ZNF33B: variants seen among roughly 807,000 people sequenced by gnomAD.
ZNF33B encodes the protein zinc finger protein 11b (KOX 2).
A neutral mutation model predicts 45.8 loss-of-function variants in ZNF33B; 29 were observed. The observed-to-expected ratio is 0.63, with a 90% CI of 0.47 to 0.86. The LOEUF is 0.86. Ranked by LOEUF, ZNF33B falls within the 40% of genes least tolerant of loss-of-function variation. The pLI is 0.00. For missense variants in ZNF33B, 831 were observed against 909.9 expected (o/e 0.91, Z 1.12); for synonymous variants, 305 against 307.8 (o/e 0.99, Z 0.10).
chr10:42,594,030 C>G lies in ZNF33B; in HGVS notation c.920G>C (p.Gly307Ala), dbSNP rs746187894. ...PVKHYDCGES[G>A]NNFRRKLCLS... ...ACACAATTTCCTCCTGAAATTATTC[C>G]CACTTTCACCACAATCATAGTGTTT... The change falls in exon 5 of 5, where the codon GGG (glycine) becomes GCG (alanine). Residue 307 changes from glycine (G) to alanine (A), a missense_variant. Coordinates refer to ENST00000359467, the MANE Select transcript of ZNF33B (RefSeq NM_006955.3). 3.7e-6 allele frequency: 6 copies of G among 1,613,900 alleles called. No homozygotes were observed. The highest frequency in any genetic ancestry group is 5.1e-6 in the Non-Finnish European group (6 of 1,179,964).
At chr10:42,578,370 C>A (rs145280894) in intron 1 of ZNF33B, 1,768 of 152,756 alleles carry the variant, frequency 0.012, 20 homozygotes, top group Non-Finnish European at 0.014. Flanking sequence ...CCCTACTCCT[C>A]CTCTTCATCC....
chr10:42,632,007 G>A lies in ZNF33B; in HGVS notation c.172C>T (p.Pro58Ser), dbSNP rs369032793. ...TGTTCCAGCCTGAAGATCACCTCTG[G>A]TTTGTGAGCACAATACCCTGTTAAC... ...LVSVGYCAHK[P>S]EVIFRLEQGE... Residue 58 changes from proline to serine, a missense_variant, in exon 4 of 5, where the codon CCA becomes TCA. Pro to Ser is a moderately conservative substitution (Grantham distance 74). Transcript: ENST00000359467. The A allele has an allele frequency of 5.4e-5, 87 of 1,614,050 alleles. No individual in the cohort carries two copies. In the African/African-American group the frequency reaches 1.0e-3, roughly 19 times the overall value.
At chr10:42,611,598 G>C (rs775806276) in intron 4 of ZNF33B, among the ~76,000 whole-genome samples, 3 of 152,070 alleles carry the variant, frequency 2.0e-5, no homozygotes, top group Non-Finnish European at 4.4e-5. Flanking sequence ...AAACAAATTA[G>C]ACTTCATGGA....
intron 1 of ZNF33B, among the ~76,000 whole-genome samples, chr10:42,574,945 TAC>T (rs1339041449): frequency 1.3e-5 from 2 of 152,174 alleles, no homozygotes; most frequent in African/African-American, 4.8e-5. Flanking sequence ...GCCTCTACAT[TAC>T]AGTTTATCAT....
chr10:42,609,744 G>C (rs1044648951), intron 4 of ZNF33B, among the ~76,000 whole-genome samples: 1 of 152,098 alleles, frequency 6.6e-6, no homozygotes, highest in Non-Finnish European at 1.5e-5. Context: ...TACTAGTAAG[G>C]CAAGTTTGGT....
intron 4 of ZNF33B, among the ~76,000 whole-genome samples, chr10:42,631,629 C>G (rs1217805082): frequency 6.6e-6 from 1 of 152,122 alleles, no homozygotes; most frequent in Non-Finnish European, 1.5e-5. Context: ...AGGTGGGACA[C>G]TGAAAGTGCT....
At chr10:42,607,973 T>C (rs111696408) in intron 4 of ZNF33B, among the ~76,000 whole-genome samples, 6,171 of 152,226 alleles carry the variant, frequency 0.041, 187 homozygotes, top group Non-Finnish European at 0.057. Context: ...CTATAAGAGA[T>C]AGATACAAAC....
At position 42,632,492 on chromosome 10, in the gene ZNF33B, A is replaced by G. The variant is rs541242978; in HGVS notation, c.10-53T>C. On this transcript the variant is annotated intron_variant, in intron 2 of 4. Coordinates refer to ENST00000359467, the MANE Select transcript of ZNF33B (RefSeq NM_006955.3). Reference sequence around the variant, plus strand: ...AAAAAAGAAGTATGGGCTAATCCTTACCATGATTATTATTCACAGAATATT... The same window carrying G: ...AAAAAAGAAGTATGGGCTAATCCTTGCCATGATTATTATTCACAGAATATT... 5.7e-6 allele frequency: 9 copies of G among 1,570,422 alleles called. No homozygotes were observed. The East Asian group carries it at 2.0e-4, about 36-fold the overall frequency.
intron 1 of ZNF33B, among the ~76,000 whole-genome samples, chr10:42,578,306 C>T (rs538189838): frequency 6.6e-6 from 1 of 152,220 alleles, no homozygotes; most frequent in Non-Finnish European, 1.5e-5. Context: ...GGATAAGAGG[C>T]CTGCAGCATG....
Position 42,593,798 on chromosome 10 carries a change from AG to A in ZNF33B, c.1151del (p.Pro384LeufsTer69). ...CTTTCCCACATTCATTGCATTCAAA[AG>A]GTTTCTCCCCTGTGTGTGATCTCTG... is the stretch of plus-strand genomic sequence containing the variant. ...KHQRSHTGEK[P>X]FECNECGKAF... is the part of the protein sequence containing the mutation. On this transcript the variant is annotated frameshift_variant, in exon 5 of 5. Transcript: ENST00000359467. LOFTEE classifies it high-confidence loss of function. 1 of 1,611,036 alleles carries A rather than the reference AG, an allele frequency of 6.2e-7. No homozygotes were observed. The highest frequency in any genetic ancestry group is 1.7e-4 in the Middle Eastern group (1 of 6,050).
chr10:42,621,802 T>C, intron 4 of ZNF33B, among the ~76,000 whole-genome samples: 1 of 151,838 alleles, frequency 6.6e-6, no homozygotes. Context: ...AAGACAAAAA[T>C]ACCCACTTTT....
chr10:42,626,685 C>CTAAA (rs34210822), intron 4 of ZNF33B, among the ~76,000 whole-genome samples: 82,856 of 141,980 alleles, frequency 0.58, 26,864 homozygotes, highest in Non-Finnish European at 0.74. Context: ...AAGACTCCAT[C>CTAAA]TAAATAAATA....
chr10:42,620,697 A>G (rs1838536624), intron 4 of ZNF33B, among the ~76,000 whole-genome samples: 2 of 152,024 alleles, frequency 1.3e-5, no homozygotes, highest in African/African-American at 4.8e-5. Context: ...CAGCTTCAGA[A>G]TAGATTTTTT....
intron 4 of ZNF33B, among the ~76,000 whole-genome samples, chr10:42,624,506 C>T (rs1838718317): frequency 2.0e-5 from 3 of 152,126 alleles, no homozygotes; most frequent in Admixed American, 2.0e-4. Flanking sequence ...TAGTATTGAG[C>T]CCTATAAATA....
At chr10:42,595,152 A>T (rs1464348367) in intron 4 of ZNF33B, among the ~76,000 whole-genome samples, 2 of 152,206 alleles carry the variant, frequency 1.3e-5, no homozygotes, top group African/African-American at 4.8e-5. Context: ...AATACAGCAA[A>T]AAGTGACAGC....
chr10:42,635,791 A>G (rs111847780), intron 2 of ZNF33B, among the ~76,000 whole-genome samples: 1,794 of 149,136 alleles, frequency 0.012, 45 homozygotes, highest in African/African-American at 0.042. Context: ...GCCTGGCGAC[A>G]GAGCAAGACT....
At chr10:42,588,201 AG>A (rs1836976469), downstream of ZNF33B, among the ~76,000 whole-genome samples, 1 of 152,190 alleles carries the variant, frequency 6.6e-6, no homozygotes, top group Non-Finnish European at 1.5e-5. Flanking sequence ...CCTGCCAAAC[AG>A]GCTGAGCCCA....
chr10:42,583,176 G>A (rs1293027005), intron 1 of ZNF33B: 8 of 763,110 alleles, frequency 1.0e-5, no homozygotes, highest in African/African-American at 1.7e-5. Flanking sequence ...CTGTCTTAGG[G>A]TTGATGTGAA....
chr10:42,632,023 C>T lies in ZNF33B; in HGVS notation c.156G>A (p.Gly52=). Residue 52 remains glycine, a splice_region_variant and synonymous_variant, in exon 4 of 5, where the codon GGG becomes GGA. Coordinates refer to ENST00000359467, the MANE Select transcript of ZNF33B (RefSeq NM_006955.3). ...TCACCTCTGGTTTGTGAGCACAATA[C>T]CCTGTTAACAGGAAATAATTTAGGA... is the stretch of plus-strand genomic sequence containing the variant. ...LENYSNLVSV[G]YCAHKPEVIF... 6.2e-7 allele frequency: 1 copy of T among 1,613,892 alleles called. No homozygotes were observed. Among genetic ancestry groups the T allele is most frequent in the Non-Finnish European group, 8.5e-7 (1 of 1,179,854 alleles).
Sources: gnomAD v4.1 joint callset for allele counts (sites outside exome capture counted in the v4.1 genomes callset) on GRCh38, gnomAD v4.1.1 for gene constraint, MANE v1.5 for transcripts, NCBI Gene and HGNC (gene_info 2026-07-23, HGNC 2026-07-21) for gene names.